Variants in MYO18B observed in about 807,000 individuals in gnomAD.
MYO18B encodes unconventional myosin-XVIIIb.
In MYO18B, 204 loss-of-function variants were observed where a neutral mutation model predicts 273.0. That is an observed-to-expected ratio of 0.75 (90% confidence interval 0.67 to 0.84). MYO18B has a LOEUF of 0.84. Ranked by LOEUF, MYO18B falls within the 40% of genes least tolerant of loss-of-function variation. The pLI is 0.00. For synonymous variants in MYO18B, 1,330 were observed against 1,305.7 expected (o/e 1.02, Z -0.40); for missense variants, 3,212 against 3,287.6 (o/e 0.98, Z 0.56).
chr22:25,832,389 T>TGAGATACGCATATTAC (rs1203859105), intron 15 of MYO18B, among the ~76,000 whole-genome samples: 12 of 151,952 alleles, frequency 7.9e-5, no homozygotes, highest in Admixed American at 5.9e-4. Context: ...ACAAGCAAAA[T>TGAGATACGCATATTAC]GAGATACGCA....
In MYO18B at chr22:25,828,539, G is replaced by A. The variant is rs143563962; in HGVS notation, c.2787-237G>A. Reference sequence around the variant, plus strand: ...TTTTTTTTTTTACTTTGGGCCAGTGGGAGGCAGTTTAATTCCTTTAGTCCT... The same window carrying A: ...TTTTTTTTTTTACTTTGGGCCAGTGAGAGGCAGTTTAATTCCTTTAGTCCT... On this transcript the variant is annotated intron_variant, in intron 14 of 43. Coordinates refer to ENST00000335473, the MANE Select transcript of MYO18B (RefSeq NM_032608.7). Among the ~76,000 whole-genome samples, 14 of 151,772 alleles carry A rather than the reference G, an allele frequency of 9.2e-5. No individual in the cohort carries two copies. The East Asian group carries it at 2.3e-3, about 25-fold the overall frequency.
At chr22:25,860,357 T>G (rs2090695092) in intron 21 of MYO18B, among the ~76,000 whole-genome samples, 1 of 152,232 alleles carries the variant, frequency 6.6e-6, no homozygotes, top group Non-Finnish European at 1.5e-5. Context: ...TTCTATTGAT[T>G]TCCACTCTAT....
intron 42 of MYO18B, among the ~76,000 whole-genome samples, chr22:26,024,495 T>C (rs1168632967): frequency 6.6e-6 from 1 of 152,050 alleles, no homozygotes; most frequent in Non-Finnish European, 1.5e-5. Context: ...AGGAGAAGGA[T>C]TGAGGGTGAT....
rs2091402308 is a variant in MYO18B, at chr22:25,883,365, T to C, written c.4314+5317T>C. 6.6e-6 allele frequency: 1 copy of C among 152,180 alleles called. No homozygotes were observed. Among genetic ancestry groups the C allele is most frequent in the Non-Finnish European group, 1.5e-5 (1 of 68,036 alleles). 9.4% of individuals were successfully genotyped at this position (152,180 alleles called of 1,614,324 possible). A position where few individuals can be genotyped will look rare whatever the true frequency, so the allele number is the denominator to read the frequency against. ...GGGTGAGGTTGCTTTAGAGCAGTGG[T>C]TCTCACACTTGCAAATGTGTCAGAA... On this transcript the variant is annotated intron_variant, in intron 25 of 43. Coordinates refer to ENST00000335473, the MANE Select transcript of MYO18B (RefSeq NM_032608.7). This position sits in a 1 kb window ranked among gnomAD's most constrained non-coding sequence, Gnocchi z 7.6.
At chr22:25,870,349 T>C (rs1263678247) in intron 22 of MYO18B, among the ~76,000 whole-genome samples, 1 of 152,254 alleles carries the variant, frequency 6.6e-6, no homozygotes. Flanking sequence ...CACAGCCTAT[T>C]GCTCCTAAGC....
At chr22:25,975,972 A>G (rs1475768579) in intron 39 of MYO18B, among the ~76,000 whole-genome samples, 1 of 152,242 alleles carries the variant, frequency 6.6e-6, no homozygotes, top group Non-Finnish European at 1.5e-5. Context: ...GTCTGACTCC[A>G]GAGTCCATTT....
At chr22:26,045,392 A>T in the MYO18B span, among the ~76,000 whole-genome samples, 1 of 152,220 alleles carries the variant, frequency 6.6e-6, no homozygotes. Flanking sequence ...TGACAGAAGC[A>T]GAATTAGTCA....
chr22:25,873,257 G>A (rs5761291), intron 22 of MYO18B, among the ~76,000 whole-genome samples: 1 of 152,148 alleles, frequency 6.6e-6, no homozygotes, highest in Non-Finnish European at 1.5e-5. Context: ...GAGTGCTGCA[G>A]AGGCCATCAT....
intron 25 of MYO18B, among the ~76,000 whole-genome samples, chr22:25,881,440 T>C (rs1016853885): frequency 6.6e-6 from 1 of 152,218 alleles, no homozygotes; most frequent in African/African-American, 2.4e-5. Flanking sequence ...CTGTCTGACC[T>C]CTCTTGCTGG....
chr22:25,962,170 T>G (rs540544767), intron 39 of MYO18B, among the ~76,000 whole-genome samples: 1 of 152,340 alleles, frequency 6.6e-6, no homozygotes, highest in Admixed American at 6.5e-5. Flanking sequence ...ACTCCTTGAT[T>G]CACCGCCTTT....
At chr22:25,797,266 A>C (rs1352763197) in intron 11 of MYO18B, among the ~76,000 whole-genome samples, 1 of 152,098 alleles carries the variant, frequency 6.6e-6, no homozygotes, top group African/African-American at 2.4e-5. Flanking sequence ...TCCGTCGACC[A>C]CCTATTGTCT....
intron 29 of MYO18B, 50 bp from the exon 30 acceptor site, chr22:25,902,563 C>A: frequency 6.4e-7 from 1 of 1,573,876 alleles, no homozygotes; most frequent in South Asian, 1.2e-5. Context: ...CTCAATCACT[C>A]CCCTGCCCAC....
chr22:25,833,074 A>C, intron 16 of MYO18B, 77 bp downstream of exon 16: 1 of 1,374,036 alleles, frequency 7.3e-7, no homozygotes, highest in Non-Finnish European at 1.0e-6. Flanking sequence ...TTGAGTCTTC[A>C]GTCTACTAGT....
At chr22:26,034,507 C>A (rs1449294478), downstream of MYO18B, among the ~76,000 whole-genome samples, 2 of 152,210 alleles carry the variant, frequency 1.3e-5, no homozygotes, top group Non-Finnish European at 2.9e-5. Flanking sequence ...TGGCAGATAG[C>A]CTGCAGTAAA....
At chr22:25,993,551 A>G (rs957939134) in intron 40 of MYO18B, among the ~76,000 whole-genome samples, 1 of 152,194 alleles carries the variant, frequency 6.6e-6, no homozygotes. Context: ...CTTGGAATGC[A>G]TCCCTCTTTG....
chr22:25,931,653 T>G (rs2092502557), intron 34 of MYO18B, among the ~76,000 whole-genome samples: 1 of 151,648 alleles, frequency 6.6e-6, no homozygotes, highest in African/African-American at 2.4e-5. Context: ...ACAGCTAGTA[T>G]TATGCCTTTT....
In MYO18B at chr22:25,981,336, G is replaced by T. The variant is rs1032101161; in HGVS notation, c.6157-11027G>T. ...GGGACAAATGTGAAGATCTTTTGAT[G>T]TTACTGTGACAGCCAGCCTCCCAGA... On this transcript the variant is annotated intron_variant, in intron 39 of 43. Coordinates refer to ENST00000335473, the MANE Select transcript of MYO18B (RefSeq NM_032608.7). Among the ~76,000 whole-genome samples the T allele has an allele frequency of 8.5e-5, 13 of 152,282 alleles. No homozygotes were observed. In the East Asian group the frequency reaches 2.5e-3, roughly 29 times the overall value.
At chr22:26,039,697 G>A in the MYO18B span, among the ~76,000 whole-genome samples, 9 of 151,998 alleles carry the variant, frequency 5.9e-5, no homozygotes, top group Non-Finnish European at 1.2e-4. Flanking sequence ...GGATAAGTTC[G>A]TTAGTGGTGA....
chr22:25,749,010 C>T (rs1188377290), intron 1 of MYO18B, among the ~76,000 whole-genome samples: 5 of 152,194 alleles, frequency 3.3e-5, no homozygotes, highest in Admixed American at 3.3e-4. Flanking sequence ...GCCCCATTCC[C>T]TCTTTCCACG....
Sources: gnomAD v4.1 joint callset for allele counts (sites outside exome capture counted in the v4.1 genomes callset) on GRCh38, gnomAD v4.1.1 for gene constraint, Gnocchi (gnomAD v3.1) non-coding constraint, MANE v1.5 for transcripts, NCBI Gene and HGNC (gene_info 2026-07-23, HGNC 2026-07-21) for gene names.